SGCD: variants seen among roughly 807,000 people sequenced by gnomAD.
The protein encoded by SGCD is sarcoglycan delta, also known as delta-sarcoglycan.
Under a neutral mutation model 36.6 loss-of-function variants are expected in SGCD, and 18 were observed. The observed-to-expected ratio is 0.49, with a 90% CI of 0.34 to 0.73. SGCD has a LOEUF of 0.73. Ranked by LOEUF, SGCD falls within the 30% of genes least tolerant of loss-of-function variation. The pLI, the probability that SGCD is intolerant of heterozygous loss-of-function variation, is 0.01. For synonymous variants in SGCD, 133 were observed against 130.6 expected (o/e 1.02, Z -0.12); for missense variants, 387 against 346.7 (o/e 1.12, Z -0.92).
At chr5:156,394,699 G>T (rs1041484857) in intron 3 of SGCD, among the ~76,000 whole-genome samples, 4 of 152,042 alleles carry the variant, frequency 2.6e-5, no homozygotes, top group Non-Finnish European at 5.9e-5. Flanking sequence ...TTTTCCTTCC[G>T]ATTTTAAAAG....
the SGCD span, among the ~76,000 whole-genome samples, chr5:155,773,671 A>C: frequency 9.5e-3 from 1,453 of 152,302 alleles, 21 homozygotes; most frequent in African/African-American, 0.033. Context: ...CTATTCTAAG[A>C]TGATGGGAGG....
At chr5:156,444,679 C>G (rs1326552008) in intron 3 of SGCD, among the ~76,000 whole-genome samples, 1 of 152,122 alleles carries the variant, frequency 6.6e-6, no homozygotes, top group Non-Finnish European at 1.5e-5. Flanking sequence ...CTGAAACTAC[C>G]ATAAATAGCT....
chr5:156,372,367 C>T (rs1561652049), intron 3 of SGCD, among the ~76,000 whole-genome samples: 1 of 152,220 alleles, frequency 6.6e-6, no homozygotes, highest in African/African-American at 2.4e-5. Context: ...TAAGAGATGG[C>T]CTGTAGTCAT....
chr5:156,281,771 G>A (rs190632168), intron 3 of SGCD, among the ~76,000 whole-genome samples: 3 of 152,168 alleles, frequency 2.0e-5, no homozygotes, highest in Admixed American at 6.5e-5. Flanking sequence ...TCTAGCTTCA[G>A]GCATGGTTAG....
intron 2 of SGCD, among the ~76,000 whole-genome samples, chr5:156,343,079 T>C (rs891133231): frequency 1.3e-5 from 2 of 150,638 alleles, no homozygotes; most frequent in Non-Finnish European, 2.9e-5. Context: ...ATTTTTAGAT[T>C]TTATGTGTCC....
At chr5:156,585,598 T>A (rs984524452) in intron 4 of SGCD, among the ~76,000 whole-genome samples, 8 of 152,004 alleles carry the variant, frequency 5.3e-5, no homozygotes, top group Admixed American at 3.9e-4. Flanking sequence ...TCCAGAAGAG[T>A]GCTTGTGCAG....
intron 3 of SGCD, among the ~76,000 whole-genome samples, chr5:156,452,496 G>A (rs1426892344): frequency 1.6e-4 from 25 of 151,976 alleles, no homozygotes. Flanking sequence ...CCCTCCTTAG[G>A]TTACACATAC....
upstream of SGCD, among the ~76,000 whole-genome samples, chr5:156,326,448 A>G (rs146621838): frequency 3.6e-3 from 554 of 152,338 alleles, 5 homozygotes; most frequent in African/African-American, 0.012. Context: ...GAGAGCAACA[A>G]AAGTGCCTGA....
At chr5:155,758,094 C>T in the SGCD span, among the ~76,000 whole-genome samples, 2 of 152,136 alleles carry the variant, frequency 1.3e-5, no homozygotes, top group African/African-American at 4.8e-5. Context: ...ATGTCTTTAT[C>T]AGCAGCATGA....
intron 7 of SGCD, among the ~76,000 whole-genome samples, chr5:156,716,258 A>C (rs1046745966): frequency 2.6e-5 from 4 of 152,332 alleles, no homozygotes; most frequent in African/African-American, 9.6e-5. Flanking sequence ...TACCCTTGTC[A>C]GTTTAACAGG....
chr5:155,919,006 T>G (rs1756815276), intron 1 of SGCD, among the ~76,000 whole-genome samples: 1 of 152,252 alleles, frequency 6.6e-6, no homozygotes, highest in African/African-American at 2.4e-5. Flanking sequence ...ATGCATTGTT[T>G]CCATAGAGTG....
chr5:155,825,648 T>C, the SGCD span, among the ~76,000 whole-genome samples: 1 of 152,222 alleles, frequency 6.6e-6, no homozygotes, highest in Non-Finnish European at 1.5e-5. Flanking sequence ...GATTATTTTG[T>C]ACACTGCTAA....
chr5:156,375,441 A>G (rs1434157709), intron 3 of SGCD, among the ~76,000 whole-genome samples: 3 of 140,770 alleles, frequency 2.1e-5, no homozygotes, highest in African/African-American at 5.4e-5. Flanking sequence ...TGAAGCATTA[A>G]TGGTGCTACC....
At chr5:155,857,600 A>T in the SGCD span, among the ~76,000 whole-genome samples, 1 of 152,184 alleles carries the variant, frequency 6.6e-6, no homozygotes, top group Non-Finnish European at 1.5e-5. Flanking sequence ...AATTAATAGT[A>T]CCTGAACACA....
chr5:155,965,947 A>G (rs1390751202), intron 1 of SGCD, among the ~76,000 whole-genome samples: 1 of 152,044 alleles, frequency 6.6e-6, no homozygotes, highest in Non-Finnish European at 1.5e-5. Context: ...GTTTAATAAT[A>G]TGGGTTGTAG....
chr5:156,111,689 A>G (rs557412157), intron 1 of SGCD, among the ~76,000 whole-genome samples: 2 of 152,256 alleles, frequency 1.3e-5, no homozygotes, highest in Non-Finnish European at 2.9e-5. Context: ...GTCACAATTA[A>G]TCCTTTACCA....
At chr5:156,041,803 C>T (rs757899982) in intron 1 of SGCD, among the ~76,000 whole-genome samples, 46 of 152,146 alleles carry the variant, frequency 3.0e-4, no homozygotes, top group Admixed American at 1.2e-3. Flanking sequence ...TCTCTAAATA[C>T]TGTGAAGAGG....
chr5:156,558,861 G>A (rs970056012), intron 4 of SGCD, among the ~76,000 whole-genome samples: 11 of 152,164 alleles, frequency 7.2e-5, no homozygotes, highest in Non-Finnish European at 1.5e-4. Context: ...CTTGCAGATG[G>A]TTCTGAGTAA....
chr5:156,341,123 C>T (rs1453333732), intron 2 of SGCD, among the ~76,000 whole-genome samples: 2 of 152,076 alleles, frequency 1.3e-5, no homozygotes, highest in Non-Finnish European at 2.9e-5. Flanking sequence ...AGCAAAAGAT[C>T]CAAGTTATAA....
Sources: gnomAD v4.1 joint callset for allele counts (sites outside exome capture counted in the v4.1 genomes callset) on GRCh38, gnomAD v4.1.1 for gene constraint, MANE v1.5 for transcripts, NCBI Gene and HGNC (gene_info 2026-07-23, HGNC 2026-07-21) for gene names.